The following HDAC9 variants were observed in gnomAD, a reference collection of about 807,000 sequenced individuals.
HDAC9 encodes histone deacetylase 9.
HDAC9 carries 41 observed loss-of-function variants against 139.4 expected under a neutral mutation model. That is an observed-to-expected ratio of 0.29 (90% confidence interval 0.23 to 0.38). The LOEUF is 0.38. Among genes scored for constraint, HDAC9 ranks in the 10% least tolerant of loss-of-function variants. The pLI is 1.00. For missense variants in HDAC9, 1,147 were observed against 1,297.0 expected (o/e 0.88, Z 1.78); for synonymous variants, 517 against 476.2 (o/e 1.09, Z -1.12).
Position 18,591,475 on chromosome 7 carries a change from A to ATGTGTGTGTGTG in HDAC9, c.416-19_416-8dup, listed in dbSNP as rs36100341. 3.3e-4 allele frequency: 482 copies of ATGTGTGTGTGTG among 1,474,040 alleles called. 2 individuals carry two copies. In the African/African-American group the frequency reaches 5.3e-3, roughly 16 times the overall value. 91.3% of individuals were successfully genotyped at this position (1,474,040 alleles called of 1,614,324 possible). A position where few individuals can be genotyped will look rare whatever the true frequency, so the allele number is the denominator to read the frequency against. ...CATCAACATCTGTTTCTGTGTGTGTATGTGTGTGTGTGTGTGTGTGTGTGT... is the reference window on the plus strand; with the variant it reads ...CATCAACATCTGTTTCTGTGTGTGTATGTGTGTGTGTGTGTGTGTGTGTGTGTGTGTGTGTGT... On this transcript the variant is annotated intron_variant, in intron 4 of 25. Coordinates refer to ENST00000686413, the MANE Select transcript of HDAC9 (RefSeq NM_178425.4).
intron 21 of HDAC9, among the ~76,000 whole-genome samples, chr7:18,857,548 A>G (rs1797782928): frequency 6.6e-6 from 1 of 152,042 alleles, no homozygotes; most frequent in East Asian, 1.9e-4. Flanking sequence ...TGTAGTTTCT[A>G]GAGTAATTAT....
chr7:18,686,242 A>G (rs1782260545), intron 12 of HDAC9, among the ~76,000 whole-genome samples: 2 of 151,990 alleles, frequency 1.3e-5, no homozygotes, highest in South Asian at 4.1e-4. Context: ...GCCATTTGCT[A>G]CTATGCTAAC....
intron 1 of HDAC9, among the ~76,000 whole-genome samples, chr7:18,134,623 A>G (rs1785262882): frequency 6.6e-6 from 1 of 152,142 alleles, no homozygotes; most frequent in Non-Finnish European, 1.5e-5. Flanking sequence ...CAACATTATT[A>G]CTCATTCTTA....
rs1003959486 is a variant in HDAC9, at chr7:18,999,324, T to C, written c.*3262T>C. 5.3e-5 allele frequency: 8 copies of C among 152,236 alleles called. No homozygotes were observed. Among genetic ancestry groups the C allele is most frequent in the Non-Finnish European group, 1.2e-4 (8 of 68,044 alleles). The allele number at this position is 152,236 out of a possible 1,614,324, so 9.4% of individuals were successfully genotyped here. ...CTGGTCTCTCTTAATAGTTTAGTCC[T>C]GCTTTATTTCCAAAGGGCAATTATA... On this transcript the variant is annotated 3_prime_UTR_variant, in exon 26 of 26. Coordinates refer to ENST00000686413, the MANE Select transcript of HDAC9 (RefSeq NM_178425.4).
chr7:18,617,888 A>G (rs1320025976), intron 6 of HDAC9, among the ~76,000 whole-genome samples: 1 of 152,228 alleles, frequency 6.6e-6, no homozygotes, highest in Admixed American at 6.6e-5. Flanking sequence ...TAAGAATTTA[A>G]TTTGCAATAA....
intron 13 of HDAC9, among the ~76,000 whole-genome samples, chr7:18,729,374 T>G (rs189987573): frequency 7.8e-4 from 119 of 152,234 alleles, no homozygotes; most frequent in Non-Finnish European, 1.2e-3. Flanking sequence ...TGTGCCCAAG[T>G]TTGCTACTGT....
intron 1 of HDAC9, among the ~76,000 whole-genome samples, chr7:18,305,746 A>T (rs533611135): frequency 7.2e-6 from 1 of 139,426 alleles, no homozygotes; most frequent in East Asian, 1.9e-4. Flanking sequence ...AGACATATGC[A>T]TAGCACACCA....
chr7:18,154,627 C>T (rs541095982), intron 1 of HDAC9, among the ~76,000 whole-genome samples: 50 of 152,268 alleles, frequency 3.3e-4, no homozygotes, highest in African/African-American at 9.9e-4. Flanking sequence ...ACTTCCAGAC[C>T]GCCTAGCTAG....
chr7:18,791,603 C>T (rs143876403), intron 16 of HDAC9, among the ~76,000 whole-genome samples: 1 of 152,020 alleles, frequency 6.6e-6, no homozygotes, highest in Non-Finnish European at 1.5e-5. Context: ...CAGTGCAGAC[C>T]ATGATGGTAT....
At chr7:18,100,146 T>C (rs983739796) in intron 1 of HDAC9, among the ~76,000 whole-genome samples, 2 of 152,124 alleles carry the variant, frequency 1.3e-5, no homozygotes, top group Non-Finnish European at 2.9e-5. Context: ...CTTCACTGTT[T>C]TATCATTTGC....
chr7:18,580,898 A>G (rs990289728), intron 2 of HDAC9, among the ~76,000 whole-genome samples: 1 of 152,170 alleles, frequency 6.6e-6, no homozygotes. Context: ...TTGTGTTACT[A>G]TTATTTCTCC....
intron 17 of HDAC9, among the ~76,000 whole-genome samples, chr7:18,818,607 T>C (rs1187633744): frequency 6.6e-6 from 1 of 152,154 alleles, no homozygotes; most frequent in Admixed American, 6.5e-5. Context: ...GTATTAAAGG[T>C]AGTATTAATT....
rs1034148598 is a variant in HDAC9, at chr7:19,000,121, T to C, written c.*4059T>C. On this transcript the variant is annotated 3_prime_UTR_variant, in exon 26 of 26. Transcript: ENST00000686413. Reference sequence around the variant, plus strand: ...AAAGAAATGAAAACCAGATGGTCTATGCTAAGAAGTGAAGGCATTTTGTTG... The same window carrying C: ...AAAGAAATGAAAACCAGATGGTCTACGCTAAGAAGTGAAGGCATTTTGTTG... The C allele has an allele frequency of 2.0e-5, 3 of 152,240 alleles. No homozygotes were observed. Among genetic ancestry groups the C allele is most frequent in the Admixed American group, 6.5e-5 (1 of 15,290 alleles). The allele number at this position is 152,240 out of a possible 1,614,324, so 9.4% of individuals were successfully genotyped here.
chr7:18,804,188 T>C (rs1372939805), intron 17 of HDAC9, among the ~76,000 whole-genome samples: 1 of 152,092 alleles, frequency 6.6e-6, no homozygotes, highest in Non-Finnish European at 1.5e-5. Flanking sequence ...AGGGAAGCAT[T>C]ATGTAGATAT....
intron 21 of HDAC9, among the ~76,000 whole-genome samples, chr7:18,856,354 G>T (rs1054490021): frequency 6.6e-6 from 1 of 152,058 alleles, no homozygotes; most frequent in Non-Finnish European, 1.5e-5. Context: ...CCTAAAGTAA[G>T]AATCTATCCC....
chr7:18,586,241 CTG>C (rs1275160487), intron 3 of HDAC9, among the ~76,000 whole-genome samples: 2 of 151,796 alleles, frequency 1.3e-5, no homozygotes, highest in Non-Finnish European at 2.9e-5. Flanking sequence ...TTAGATGTGT[CTG>C]TTTTTTTAAA....
chr7:18,827,150 C>T (rs957503309), intron 17 of HDAC9, among the ~76,000 whole-genome samples: 19 of 151,636 alleles, frequency 1.3e-4, no homozygotes, highest in Non-Finnish European at 2.6e-4. Flanking sequence ...TTAAACCTTC[C>T]TTCGTATATA....
At chr7:18,721,973 C>A (rs1345803450) in intron 12 of HDAC9, among the ~76,000 whole-genome samples, 3 of 152,174 alleles carry the variant, frequency 2.0e-5, no homozygotes, top group South Asian at 2.1e-4. Context: ...AATGATGGGG[C>A]CACAAAGGCA....
At chr7:18,955,271 G>A (rs1680358536) in intron 24 of HDAC9, among the ~76,000 whole-genome samples, 1 of 152,064 alleles carries the variant, frequency 6.6e-6, no homozygotes, top group South Asian at 2.1e-4. Flanking sequence ...AGCTTAAGAA[G>A]AAAATCCTGT....
Sources: allele counts gnomAD v4.1 joint callset (sites outside exome capture counted in the v4.1 genomes callset), GRCh38; gene constraint gnomAD v4.1.1; transcripts MANE v1.5; gene names NCBI Gene and HGNC (gene_info 2026-07-23, HGNC 2026-07-21).